ITPR1: variants seen among roughly 807,000 people sequenced by gnomAD.
ITPR1 encodes the protein inositol 1,4,5-trisphosphate-gated calcium channel ITPR1.
Under a neutral mutation model 318.4 loss-of-function variants are expected in ITPR1, and 96 were observed. The ratio of observed to expected loss-of-function variants is 0.30; its 90% CI spans 0.26 to 0.36. The LOEUF is 0.36. ITPR1 is among the 10% of genes least tolerant of loss of function. The pLI, the probability that ITPR1 is intolerant of heterozygous loss-of-function variation, is 1.00. For synonymous variants in ITPR1, 1,312 were observed against 1,289.9 expected (o/e 1.02, Z -0.37); for missense variants, 2,440 against 3,460.2 (o/e 0.71, Z 7.40).
rs547210477 is a variant in ITPR1, at chr3:4,802,839, AAGAAAGAAAG to A, written c.7107+2251_7107+2260del. Among the ~76,000 whole-genome samples the A allele has an allele frequency of 4.8e-4, 72 of 149,676 alleles. No individual in the cohort carries two copies. The South Asian group carries it at 8.8e-3, about 18-fold the overall frequency. On this transcript the variant is annotated intron_variant, in intron 54 of 61. Transcript: ENST00000649015. Reference sequence around the variant, plus strand: ...ATGAGACTGATTAAAAAAAAAAAGAAAGAAAGAAAGAGAAAGAAAGAAAGAGAGAAAGAGA... The same window carrying A: ...ATGAGACTGATTAAAAAAAAAAAGAAAGAAAGAAAGAAAGAGAGAAAGAGA...
At chr3:4,796,299 AT>A (rs3838624) in intron 53 of ITPR1, among the ~76,000 whole-genome samples, 6 of 149,802 alleles carry the variant, frequency 4.0e-5, no homozygotes, top group Admixed American at 3.3e-4. Context: ...TCCAGGGGGG[AT>A]TTTTTTTTTA....
intron 31 of ITPR1, 94 bp from the exon 32 acceptor site, chr3:4,691,050 T>C: frequency 1.4e-6 from 1 of 737,244 alleles, no homozygotes; most frequent in Admixed American, 3.2e-5. Flanking sequence ...TTCCCTTGTG[T>C]GTGTTTCAGT....
At chr3:4,605,050 C>T (rs2091602398) in intron 4 of ITPR1, among the ~76,000 whole-genome samples, 1 of 152,068 alleles carries the variant, frequency 6.6e-6, no homozygotes, top group South Asian at 2.1e-4. Flanking sequence ...TGGCTCACTG[C>T]AACCTCCGCC....
At position 4,782,696 on chromosome 3, in the gene ITPR1, G is replaced by A. The variant is rs376367207; in HGVS notation, c.6465G>A (p.Ala2155=). The change falls in exon 50 of 62, where the codon GCG becomes GCA. Residue 2155 remains alanine (A), a synonymous_variant. Coordinates refer to ENST00000649015, the MANE Select transcript of ITPR1 (RefSeq NM_001378452.1). ...EDGENGEDGA[A]SPRNVGHNIY... is the part of the protein sequence containing the mutation. ...GAGAAAACGGTGAGGATGGGGCGGCGTCCCCCAGGAACGTGGGGCACAACA... is the reference window on the plus strand; with the variant it reads ...GAGAAAACGGTGAGGATGGGGCGGCATCCCCCAGGAACGTGGGGCACAACA... 67 of 1,596,658 alleles carry A rather than the reference G, an allele frequency of 4.2e-5. No homozygotes were observed. The highest frequency in any genetic ancestry group is 5.4e-5 in the African/African-American group (4 of 74,240).
At position 4,721,184 on chromosome 3, in the gene ITPR1, A is replaced by G. The variant is rs1382516001; in HGVS notation, c.5136+3785A>G. Among the ~76,000 whole-genome samples, 21 of 137,726 alleles carry G rather than the reference A, an allele frequency of 1.5e-4. 1 individual carries two copies. Among genetic ancestry groups the G allele is most frequent in the Non-Finnish European group, 2.2e-4 (14 of 63,668 alleles). The allele number at this position is 137,726 out of a possible 152,430, so 90.4% of individuals were successfully genotyped here. On this transcript the variant is annotated intron_variant, in intron 40 of 61. Transcript: ENST00000649015. ...CGTGTGTGTGCGTGTATATATATAT[A>G]TATATATATATATATATATGCATAT...
chr3:4,711,210 C>CAAA (rs1169754547), intron 38 of ITPR1, among the ~76,000 whole-genome samples: 107 of 57,398 alleles, frequency 1.9e-3, no homozygotes, highest in Middle Eastern at 9.1e-3. Flanking sequence ...GACCTTGTCT[C>CAAA]AAAAAAAAAA....
intron 4 of ITPR1, among the ~76,000 whole-genome samples, chr3:4,540,234 T>C (rs1472565478): frequency 2.0e-5 from 3 of 152,156 alleles, no homozygotes; most frequent in Non-Finnish European, 4.4e-5. Context: ...TTTATCATTA[T>C]GTAAGAAACA....
At chr3:4,754,905 T>C (rs991595129) in intron 44 of ITPR1, among the ~76,000 whole-genome samples, 1 of 152,230 alleles carries the variant, frequency 6.6e-6, no homozygotes, top group African/African-American at 2.4e-5. Flanking sequence ...CTTTCCAATC[T>C]TCATGACTTG....
chr3:4,637,671 A>C (rs981293284), intron 5 of ITPR1, among the ~76,000 whole-genome samples: 2 of 152,348 alleles, frequency 1.3e-5, no homozygotes, highest in African/African-American at 4.8e-5. Flanking sequence ...AGATGGGGTC[A>C]ACTTGCAGTG....
At chr3:4,647,166 T>C (rs530746850) in intron 10 of ITPR1, among the ~76,000 whole-genome samples, 12 of 150,760 alleles carry the variant, frequency 8.0e-5, no homozygotes, top group African/African-American at 1.9e-4. Flanking sequence ...TTATGTTCTG[T>C]TTTTTTTTCA....
chr3:4,822,136 G>A (rs764905339), intron 60 of ITPR1, among the ~76,000 whole-genome samples: 4 of 152,176 alleles, frequency 2.6e-5, no homozygotes, highest in Non-Finnish European at 4.4e-5. Context: ...TGTACATCGC[G>A]GTTCCTACCG....
rs114398259 is a variant in ITPR1, at chr3:4,546,116, C to T, written c.163+25022C>T. 9.3e-4 allele frequency among the ~76,000 whole-genome samples: 142 copies of T among 152,234 alleles called. 1 individual carries two copies. The highest frequency in any genetic ancestry group is 3.4e-3 in the African/African-American group (141 of 41,530). On this transcript the variant is annotated intron_variant, in intron 4 of 61. Transcript: ENST00000649015. Reference sequence around the variant, plus strand: ...AATGCTCTTGAGACAACGTCAGGTACATTTTAAGCGTGCAGTCAGTGTACA... The same window carrying T: ...AATGCTCTTGAGACAACGTCAGGTATATTTTAAGCGTGCAGTCAGTGTACA...
chr3:4,767,400 G>T (rs184706768), intron 45 of ITPR1, among the ~76,000 whole-genome samples: 143 of 152,368 alleles, frequency 9.4e-4, no homozygotes, highest in African/African-American at 3.4e-3. Context: ...GGCGGGGTTG[G>T]GGGCAAAATC....
intron 26 of ITPR1, among the ~76,000 whole-genome samples, 176 bp from the exon 27 acceptor site, chr3:4,683,210 A>G (rs1179812595): frequency 6.6e-6 from 1 of 152,168 alleles, no homozygotes; most frequent in Non-Finnish European, 1.5e-5. Flanking sequence ...TCACCTCATA[A>G]TATAGTTGAA....
Position 4,813,127 on chromosome 3 carries a change from C to T in ITPR1, c.7469-15C>T. On this transcript the variant is annotated splice_polypyrimidine_tract_variant and intron_variant, in intron 56 of 61. Transcript: ENST00000649015. ...TGCCAGATTGTTCATCATAAAATTT[C>T]CTTCTCTCTCCCAGAAACCGGCGAG... is the stretch of plus-strand genomic sequence containing the variant. 6.2e-7 allele frequency: 1 copy of T among 1,608,278 alleles called. No individual in the cohort carries two copies. Among genetic ancestry groups the T allele is most frequent in the Non-Finnish European group, 8.5e-7 (1 of 1,174,740 alleles).
intron 60 of ITPR1, among the ~76,000 whole-genome samples, chr3:4,834,195 T>A (rs1007853362): frequency 6.6e-6 from 1 of 152,148 alleles, no homozygotes; most frequent in Admixed American, 6.5e-5. Context: ...GACTGGCCTG[T>A]TAAAAAGAAA....
rs562659853 is a variant in ITPR1 at position 4,700,964 on chromosome 3, C to A, written c.4536+1023C>A. Among the ~76,000 whole-genome samples the A allele has an allele frequency of 4.8e-4, 73 of 152,292 alleles. 1 individual carries two copies. The highest frequency in any genetic ancestry group is 1.6e-3 in the African/African-American group (68 of 41,566). On this transcript the variant is annotated intron_variant, in intron 35 of 61. Transcript: ENST00000649015. The stretch of plus-strand genomic sequence containing the variant: ...GAGAACAGCATGGGAAAGACCCACC[C>A]CACGATTCAGTTACCTCCCACCAGG...
chr3:4,825,004 A>G (rs1483613369), intron 60 of ITPR1, among the ~76,000 whole-genome samples: 1 of 152,212 alleles, frequency 6.6e-6, no homozygotes, highest in Admixed American at 6.5e-5. Context: ...AAGTAAAAGG[A>G]GAAGGACGAT....
At position 4,545,235 on chromosome 3, in the gene ITPR1, A is replaced by G. The variant is rs146489983; in HGVS notation, c.163+24141A>G. Among the ~76,000 whole-genome samples the G allele has an allele frequency of 1.7e-3, 262 of 152,318 alleles. 2 individuals carry two copies. The highest frequency in any genetic ancestry group is 6.0e-3 in the African/African-American group (249 of 41,578). On this transcript the variant is annotated intron_variant, in intron 4 of 61. Transcript: ENST00000649015. ...AACTTTAATATTTATTTTCCTTTTC[A>G]TCCTAAAGGAGGAAGTAGTTTTTCC...
Sources: allele counts gnomAD v4.1 joint callset (sites outside exome capture counted in the v4.1 genomes callset), GRCh38; gene constraint gnomAD v4.1.1; transcripts MANE v1.5; gene names NCBI Gene and HGNC (gene_info 2026-07-23, HGNC 2026-07-21).